PRKN: variants seen among roughly 807,000 people sequenced by gnomAD.
The protein encoded by PRKN is parkin RBR E3 ubiquitin protein ligase, also known as E3 ubiquitin-protein ligase parkin.
A neutral mutation model predicts 59.5 loss-of-function variants in PRKN; 56 were observed. The observed-to-expected ratio is 0.94, with a 90% CI of 0.76 to 1.18. The LOEUF is 1.18. PRKN is among the 50% of genes most tolerant of loss of function. The pLI is 0.00. For synonymous variants in PRKN, 250 were observed against 222.1 expected, an observed-to-expected ratio of 1.13 and a Z score of -1.12; for missense variants, 657 against 596.4, an observed-to-expected ratio of 1.10 and a Z score of -1.06.
chr6:161,350,960 T>A (rs57565573), intron 11 of PRKN, among the ~76,000 whole-genome samples: 1,771 of 58,378 alleles, frequency 0.03, 180 homozygotes, highest in African/African-American at 0.15. Context: ...ATATTTATAT[T>A]TAAAATATAT....
chr6:162,433,446 C>T (rs1226460751), intron 2 of PRKN, among the ~76,000 whole-genome samples: 5 of 151,898 alleles, frequency 3.3e-5, no homozygotes, highest in Non-Finnish European at 7.4e-5. Flanking sequence ...TTTGACTTCT[C>T]ATTTATATAT....
chr6:162,252,572 G>A (rs947148914), intron 3 of PRKN, among the ~76,000 whole-genome samples: 14 of 152,192 alleles, frequency 9.2e-5, no homozygotes, highest in Non-Finnish European at 1.5e-4. Flanking sequence ...TGGAGCCACC[G>A]TGAATGGGAT....
At chr6:162,042,155 A>G (rs1210952174) in intron 5 of PRKN, among the ~76,000 whole-genome samples, 1 of 152,056 alleles carries the variant, frequency 6.6e-6, no homozygotes, top group African/African-American at 2.4e-5. Context: ...CATTCAAATA[A>G]AAGCAAATAT....
intron 7 of PRKN, among the ~76,000 whole-genome samples, chr6:161,688,290 T>C (rs1217130440): frequency 1.3e-5 from 2 of 152,154 alleles, no homozygotes; most frequent in East Asian, 3.9e-4. Context: ...TTTTGGCTGT[T>C]CCGGAAGAAG....
At chr6:162,649,365 A>T (rs1354907393) in intron 1 of PRKN, among the ~76,000 whole-genome samples, 1 of 152,184 alleles carries the variant, frequency 6.6e-6, no homozygotes, top group Admixed American at 6.5e-5. Flanking sequence ...TTTTAAGATA[A>T]GGGTGAAATA....
At chr6:161,655,864 ATG>A (rs1185081471) in intron 7 of PRKN, among the ~76,000 whole-genome samples, 1 of 119,198 alleles carries the variant, frequency 8.4e-6, no homozygotes, top group African/African-American at 3.8e-5. Context: ...ATCAACACAC[ATG>A]CACACACACA....
chr6:161,472,691 C>T (rs1429044525), intron 9 of PRKN, among the ~76,000 whole-genome samples: 1 of 152,044 alleles, frequency 6.6e-6, no homozygotes, highest in Non-Finnish European at 1.5e-5. Flanking sequence ...GCAAAGGAAG[C>T]AACGAACAGA....
chr6:162,127,222 C>A (rs903339815), intron 4 of PRKN, among the ~76,000 whole-genome samples: 1 of 152,188 alleles, frequency 6.6e-6, no homozygotes, highest in African/African-American at 2.4e-5. Context: ...GGCACGCTGC[C>A]GCTGTGACTA....
At position 162,190,393 on chromosome 6, in the gene PRKN, G is replaced by A. The variant is rs115794244; in HGVS notation, c.534+10738C>T. Among the ~76,000 whole-genome samples the A allele has an allele frequency of 8.5e-3, 1,288 of 152,188 alleles. 21 individuals are homozygous for A. The highest frequency in any genetic ancestry group is 0.03 in the African/African-American group (1,230 of 41,520). On this transcript the variant is annotated intron_variant, in intron 4 of 11. Transcript: ENST00000366898. ...TCCAGTGAATTTTACTCTTTTCAGG[G>A]AAAGCCTGCAGAGTAAGTGTCAACT...
intron 9 of PRKN, among the ~76,000 whole-genome samples, chr6:161,439,872 G>C (rs527962814): frequency 6.6e-6 from 1 of 152,166 alleles, no homozygotes; most frequent in East Asian, 1.9e-4. Context: ...AGATAGACTT[G>C]GTCAAGGTCG....
At chr6:162,532,975 G>C (rs554862723) in intron 1 of PRKN, among the ~76,000 whole-genome samples, 16 of 152,322 alleles carry the variant, frequency 1.1e-4, no homozygotes, top group African/African-American at 3.8e-4. Context: ...GGCAATGTCA[G>C]TTCCCAAACA....
chr6:161,395,742 C>G lies in PRKN; in HGVS notation c.1084-8865G>C, dbSNP rs926884668. Among the ~76,000 whole-genome samples the G allele has an allele frequency of 1.3e-5, 2 of 152,212 alleles. No homozygotes were observed. The highest frequency in any genetic ancestry group is 4.1e-4 in the South Asian group (2 of 4,834). Reference sequence around the variant, plus strand: ...TTCCTAGCCAAAGCAATTACTCTGACCACGTTTAAGTCTTGTCTACACAGC... The same window carrying G: ...TTCCTAGCCAAAGCAATTACTCTGAGCACGTTTAAGTCTTGTCTACACAGC... On this transcript the variant is annotated intron_variant, in intron 9 of 11. Transcript: ENST00000366898. The surrounding 1 kb of genome is among the most constrained non-coding windows in gnomAD (Gnocchi z 5.0).
At chr6:162,203,629 C>A (rs1417249085) in intron 3 of PRKN, among the ~76,000 whole-genome samples, 1 of 152,140 alleles carries the variant, frequency 6.6e-6, no homozygotes, top group African/African-American at 2.4e-5. Flanking sequence ...GGCTGAAGGG[C>A]CTAAAGTAGA....
chr6:162,187,508 G>A (rs988420580), intron 4 of PRKN, among the ~76,000 whole-genome samples: 4 of 152,130 alleles, frequency 2.6e-5, no homozygotes, highest in Admixed American at 2.0e-4. Flanking sequence ...GGGGAAGGAC[G>A]GAGGATGCCC....
At chr6:161,505,285 G>A (rs1294244254) in intron 9 of PRKN, among the ~76,000 whole-genome samples, 1 of 152,024 alleles carries the variant, frequency 6.6e-6, no homozygotes, top group African/African-American at 2.4e-5. Flanking sequence ...GTGATGGTGA[G>A]CATTTTTTCA....
intron 5 of PRKN, among the ~76,000 whole-genome samples, chr6:162,013,132 G>T: frequency 6.6e-6 from 1 of 152,010 alleles, no homozygotes; most frequent in Middle Eastern, 3.2e-3. Context: ...TCTACATGTG[G>T]AATTTTACAG....
At chr6:161,845,770 A>G (rs1425518120) in intron 6 of PRKN, among the ~76,000 whole-genome samples, 1 of 152,204 alleles carries the variant, frequency 6.6e-6, no homozygotes, top group East Asian at 1.9e-4. Context: ...TTTCTTCAGG[A>G]CAATGGGACA....
chr6:161,816,175 C>T (rs536582389), intron 6 of PRKN, among the ~76,000 whole-genome samples: 10 of 152,136 alleles, frequency 6.6e-5, no homozygotes, highest in South Asian at 2.1e-4. Context: ...TCAGTACCAA[C>T]GAGGAGGGAG....
intron 1 of PRKN, among the ~76,000 whole-genome samples, chr6:162,538,191 G>A (rs956400288): frequency 1.3e-5 from 2 of 152,176 alleles, no homozygotes; most frequent in African/African-American, 2.4e-5. Flanking sequence ...TTGAGGTCAG[G>A]AGTTTCAGAC....
Sources: allele counts gnomAD v4.1 joint callset (sites outside exome capture counted in the v4.1 genomes callset), GRCh38; gene constraint gnomAD v4.1.1; non-coding constraint Gnocchi (gnomAD v3.1); transcripts MANE v1.5; gene names NCBI Gene and HGNC (gene_info 2026-07-23, HGNC 2026-07-21).